Variants in XKR4 observed in about 807,000 individuals in gnomAD.
XKR4 encodes the protein XK related 4, also known as XK-related protein 4.
A neutral mutation model predicts 53.9 loss-of-function variants in XKR4; 12 were observed. That is an observed-to-expected ratio of 0.22 (90% confidence interval 0.14 to 0.36). The LOEUF is 0.36. Among genes scored for constraint, XKR4 ranks in the 10% least tolerant of loss-of-function variants. The pLI is 1.00. For missense variants in XKR4, 799 were observed against 859.5 expected (o/e 0.93, Z 0.88); for synonymous variants, 354 against 362.4 (o/e 0.98, Z 0.26).
At chr8:55,403,337 A>G (rs1039786750) in intron 2 of XKR4, among the ~76,000 whole-genome samples, 42 of 152,226 alleles carry the variant, frequency 2.8e-4, no homozygotes, top group African/African-American at 9.6e-4. Context: ...TAGTTTTCCT[A>G]ACATTTTATT....
chr8:55,337,321 TTTTG>T (rs1057060567), intron 1 of XKR4, among the ~76,000 whole-genome samples: 17 of 152,082 alleles, frequency 1.1e-4, no homozygotes, highest in African/African-American at 3.9e-4. Flanking sequence ...AGTCATGGGG[TTTTG>T]TTTGTTTGTT....
At chr8:55,350,368 T>C (rs1268619455) in intron 1 of XKR4, among the ~76,000 whole-genome samples, 1 of 152,180 alleles carries the variant, frequency 6.6e-6, no homozygotes, top group Non-Finnish European at 1.5e-5. Context: ...TAGAATATTT[T>C]CCTGTGTCAT....
chr8:55,148,170 G>A (rs190800492), intron 1 of XKR4, among the ~76,000 whole-genome samples: 363 of 152,250 alleles, frequency 2.4e-3, no homozygotes, highest in Non-Finnish European at 4.2e-3. Flanking sequence ...ATTTCACAAA[G>A]GCATATAGCT....
Position 55,402,705 on chromosome 8 carries a change from T to A in XKR4, c.1006+44828T>A, listed in dbSNP as rs139753315. Among the ~76,000 whole-genome samples, 419 of 152,264 alleles carry A rather than the reference T, an allele frequency of 2.8e-3. 4 individuals carry two copies. The highest frequency in any genetic ancestry group is 9.4e-3 in the African/African-American group (391 of 41,554). ...GGCAAAACTGTGGGCACTTCCTTCCTTTGTCTTGATCAGGGTTAAGCAGAG... is the reference window on the plus strand; with the variant it reads ...GGCAAAACTGTGGGCACTTCCTTCCATTGTCTTGATCAGGGTTAAGCAGAG... On this transcript the variant is annotated intron_variant, in intron 2 of 2. Coordinates refer to ENST00000327381, the MANE Select transcript of XKR4 (RefSeq NM_052898.2).
chr8:55,153,338 A>T (rs1816863555), intron 1 of XKR4, among the ~76,000 whole-genome samples: 1 of 152,324 alleles, frequency 6.6e-6, no homozygotes, highest in East Asian at 1.9e-4. Flanking sequence ...CCGAGGGAAG[A>T]TATAAGAGAG....
chr8:55,477,585 G>A (rs911209851), intron 2 of XKR4, among the ~76,000 whole-genome samples: 2 of 152,122 alleles, frequency 1.3e-5, no homozygotes, highest in African/African-American at 2.4e-5. Flanking sequence ...AGAGAAGAAG[G>A]CTTCAGATGA....
At chr8:55,306,091 T>C (rs1282318177) in intron 1 of XKR4, among the ~76,000 whole-genome samples, 1 of 152,168 alleles carries the variant, frequency 6.6e-6, no homozygotes, top group Non-Finnish European at 1.5e-5. Flanking sequence ...ACCACAATTT[T>C]GTTTAAAGTG....
intron 1 of XKR4, among the ~76,000 whole-genome samples, chr8:55,160,667 A>G (rs1165133952): frequency 6.6e-6 from 1 of 152,008 alleles, no homozygotes; most frequent in Non-Finnish European, 1.5e-5. Context: ...TTTCATTTTC[A>G]TTGTTGTTAT....
At chr8:55,283,904 C>G (rs1457766158) in intron 1 of XKR4, among the ~76,000 whole-genome samples, 1 of 152,106 alleles carries the variant, frequency 6.6e-6, no homozygotes, top group Non-Finnish European at 1.5e-5. Context: ...AAGCAATTGC[C>G]CTTTGGTAAG....
At chr8:55,288,208 G>A (rs1194864333) in intron 1 of XKR4, among the ~76,000 whole-genome samples, 1 of 152,128 alleles carries the variant, frequency 6.6e-6, no homozygotes, top group Non-Finnish European at 1.5e-5. Context: ...CTCCACCAAG[G>A]GGACATTCAG....
intron 2 of XKR4, among the ~76,000 whole-genome samples, chr8:55,428,364 A>G (rs1221151894): frequency 6.6e-6 from 1 of 152,116 alleles, no homozygotes; most frequent in African/African-American, 2.4e-5. Flanking sequence ...AGCCCCCAAA[A>G]AGCCTGCGCT....
intron 1 of XKR4, among the ~76,000 whole-genome samples, chr8:55,118,961 A>C (rs1256587548): frequency 6.6e-6 from 1 of 151,394 alleles, no homozygotes; most frequent in Admixed American, 6.6e-5. Context: ...TTTTTTCATG[A>C]TTTTCTTCCA....
chr8:55,291,854 T>G (rs1167707002), intron 1 of XKR4, among the ~76,000 whole-genome samples: 4 of 152,162 alleles, frequency 2.6e-5, no homozygotes, highest in African/African-American at 9.6e-5. Context: ...AGGAAGTACT[T>G]CTTTATTCTT....
chr8:55,370,542 G>T (rs1376424707), intron 2 of XKR4, among the ~76,000 whole-genome samples: 2 of 152,150 alleles, frequency 1.3e-5, no homozygotes, highest in Non-Finnish European at 2.9e-5. Context: ...AAGGAGAGTA[G>T]ACATAAGCTC....
intron 1 of XKR4, among the ~76,000 whole-genome samples, chr8:55,243,714 T>C (rs1818242601): frequency 6.6e-6 from 1 of 152,220 alleles, no homozygotes; most frequent in Non-Finnish European, 1.5e-5. Context: ...TGTTGCTCAA[T>C]ATGTGCATTT....
At chr8:55,122,893 G>C (rs1368337853) in intron 1 of XKR4, among the ~76,000 whole-genome samples, 2 of 152,136 alleles carry the variant, frequency 1.3e-5, no homozygotes, top group Admixed American at 6.5e-5. Context: ...CAGCGAATGA[G>C]AGGAAAGTGA....
At chr8:55,167,828 A>G (rs1057400721) in intron 1 of XKR4, among the ~76,000 whole-genome samples, 1 of 152,212 alleles carries the variant, frequency 6.6e-6, no homozygotes, top group African/African-American at 2.4e-5. Context: ...TCCAACATTT[A>G]GAGACCAAAG....
intron 1 of XKR4, among the ~76,000 whole-genome samples, chr8:55,201,658 A>C (rs1319089809): frequency 6.6e-6 from 1 of 152,216 alleles, no homozygotes; most frequent in East Asian, 1.9e-4. Context: ...TTGTAACCAT[A>C]AGCTATAAGA....
At chr8:55,267,947 C>T (rs1017071245) in intron 1 of XKR4, among the ~76,000 whole-genome samples, 2 of 152,120 alleles carry the variant, frequency 1.3e-5, no homozygotes, top group Non-Finnish European at 2.9e-5. Flanking sequence ...CCCTATTTCT[C>T]TTTTAAATGG....
Sources: allele counts gnomAD v4.1 joint callset (sites outside exome capture counted in the v4.1 genomes callset), GRCh38; gene constraint gnomAD v4.1.1; transcripts MANE v1.5; gene names NCBI Gene and HGNC (gene_info 2026-07-23, HGNC 2026-07-21).